Variants in IKZF2 observed in about 807,000 individuals in gnomAD.
IKZF2 encodes IKAROS family zinc finger 2.
In IKZF2, 15 loss-of-function variants were observed where a neutral mutation model predicts 49.2. The ratio of observed to expected loss-of-function variants is 0.30; its 90% confidence interval spans 0.20 to 0.47. The LOEUF is 0.47. Among genes scored for constraint, IKZF2 ranks in the 20% least tolerant of loss-of-function variants. The probability of loss-of-function intolerance (pLI) is 1.00; values close to 1 mark genes in which losing one functional copy is unlikely to be tolerated. For synonymous variants in IKZF2, 227 were observed against 221.4 expected (o/e 1.03, Z -0.23); for missense variants, 567 against 664.6 (o/e 0.85, Z 1.61).
chr2:213,031,870 C>T (rs957530124), intron 6 of IKZF2, among the ~76,000 whole-genome samples: 1 of 152,072 alleles, frequency 6.6e-6, no homozygotes, highest in African/African-American at 2.4e-5. Flanking sequence ...TTACCAGCTG[C>T]CTAAAATGTG....
At chr2:213,047,954 AGAACACTATAAT>A (rs1229394080) in intron 6 of IKZF2, among the ~76,000 whole-genome samples, 3 of 152,118 alleles carry the variant, frequency 2.0e-5, no homozygotes, top group African/African-American at 7.2e-5. Flanking sequence ...GATTGGAAGA[AGAACACTATAAT>A]GATCAATTTT....
chr2:213,106,344 G>GA (rs550245534), intron 4 of IKZF2, among the ~76,000 whole-genome samples: 79 of 144,230 alleles, frequency 5.5e-4, no homozygotes, highest in South Asian at 3.9e-3. Context: ...CTACTCTTAC[G>GA]AAAAAAAAAA....
rs1211054761 is a variant in IKZF2 at position 213,005,961 on chromosome 2, T to C, written c.*1399A>G. On this transcript the variant is annotated 3_prime_UTR_variant, in exon 9 of 9. Transcript: ENST00000434687. ...CAGAAAAATGTGCAGGACTTTCCTTTGGGGGTTCTGTCACATTCTAGACTC... is the reference window on the plus strand; with the variant it reads ...CAGAAAAATGTGCAGGACTTTCCTTCGGGGGTTCTGTCACATTCTAGACTC... 6.6e-6 allele frequency: 1 copy of C among 152,114 alleles called. No homozygotes were observed. Among genetic ancestry groups the C allele is most frequent in the Non-Finnish European group, 1.5e-5 (1 of 67,988 alleles). 9.4% of individuals were successfully genotyped at this position (152,114 alleles called of 1,614,324 possible).
chr2:213,147,841 T>C (rs778996194), intron 3 of IKZF2, 29 bp from the exon 4 acceptor site: 21 of 1,527,688 alleles, frequency 1.4e-5, no homozygotes, highest in Non-Finnish European at 1.8e-5. Context: ...ATCTTTTGGT[T>C]TCTATTCATT....
chr2:213,012,075 G>A (rs1246712931), intron 8 of IKZF2, among the ~76,000 whole-genome samples: 1 of 151,946 alleles, frequency 6.6e-6, no homozygotes, highest in African/African-American at 2.4e-5. Context: ...TTTAACTGAG[G>A]CACATGGAGA....
chr2:213,090,386 A>G (rs73077261), intron 4 of IKZF2, among the ~76,000 whole-genome samples: 1,974 of 151,964 alleles, frequency 0.013, 34 homozygotes, highest in African/African-American at 0.044. Flanking sequence ...GTTAAGTCCA[A>G]TTTTTTTTCT....
At chr2:213,149,600 C>T (rs927960458) in intron 2 of IKZF2, among the ~76,000 whole-genome samples, 2 of 152,094 alleles carry the variant, frequency 1.3e-5, no homozygotes, top group Admixed American at 6.6e-5. Flanking sequence ...AAAACTCTCA[C>T]TGCACCAGCA....
chr2:213,103,865 T>C (rs1331368473), intron 4 of IKZF2, among the ~76,000 whole-genome samples: 1 of 152,166 alleles, frequency 6.6e-6, no homozygotes. Flanking sequence ...ATCAGATTTA[T>C]AAGAAAATGT....
intron 4 of IKZF2, among the ~76,000 whole-genome samples, chr2:213,113,554 T>C (rs2059781079): frequency 6.6e-6 from 1 of 152,148 alleles, no homozygotes; most frequent in Non-Finnish European, 1.5e-5. Context: ...ATATACTACC[T>C]ACTTTCAGGT....
At position 213,013,663 on chromosome 2, in the gene IKZF2, A is replaced by C. The variant is rs555576625; in HGVS notation, c.856+128T>G. The C allele has an allele frequency of 8.7e-5, 70 of 806,080 alleles. No individual in the cohort carries two copies. The African/African-American group carries it at 1.1e-3, about 12-fold the overall frequency. 49.9% of individuals were successfully genotyped at this position (806,080 alleles called of 1,614,324 possible). A position where few individuals can be genotyped will look rare whatever the true frequency, so the allele number is the denominator to read the frequency against. ...AGAATGTCAGAGAGTAAAAAAGAAT[A>C]ATGAAGAAAAGAGATGGGTATTTAT... On this transcript the variant is annotated intron_variant, in intron 8 of 8. Transcript: ENST00000434687.
intron 4 of IKZF2, among the ~76,000 whole-genome samples, chr2:213,105,539 T>C (rs1244047800): frequency 6.9e-6 from 1 of 145,554 alleles, no homozygotes; most frequent in African/African-American, 2.6e-5. Context: ...AAAAGCTTGA[T>C]TAAATGATTT....
intron 4 of IKZF2, among the ~76,000 whole-genome samples, chr2:213,097,626 CTCTT>C (rs201966031): frequency 0.013 from 1,919 of 152,116 alleles, 34 homozygotes; most frequent in African/African-American, 0.044. Flanking sequence ...TAATTAATAA[CTCTT>C]TAAGAACTGA....
At chr2:213,105,863 ACT>A (rs1189914554) in intron 4 of IKZF2, among the ~76,000 whole-genome samples, 1 of 152,172 alleles carries the variant, frequency 6.6e-6, no homozygotes, top group Non-Finnish European at 1.5e-5. Flanking sequence ...CTTCTGGAAA[ACT>A]TTTGTTATTT....
intron 6 of IKZF2, among the ~76,000 whole-genome samples, chr2:213,027,584 A>G (rs1697954641): frequency 6.6e-6 from 1 of 151,982 alleles, no homozygotes. Context: ...CCCTGGGTTT[A>G]TTACAGAGTT....
At position 213,041,599 on chromosome 2, in the gene IKZF2, G is replaced by A. The variant is rs78201688; in HGVS notation, c.574+8114C>T. On this transcript the variant is annotated intron_variant, in intron 6 of 8. Transcript: ENST00000434687. Reference sequence around the variant, plus strand: ...TTACAGGTGTGAGCCACCGTGCCCGGCCACAACTTGACTGTAATCTTTAGC... The same window carrying A: ...TTACAGGTGTGAGCCACCGTGCCCGACCACAACTTGACTGTAATCTTTAGC... Among the ~76,000 whole-genome samples the A allele has an allele frequency of 3.3e-5, 5 of 152,184 alleles. No individual in the cohort carries two copies. The East Asian group carries it at 9.7e-4, about 29-fold the overall frequency.
intron 4 of IKZF2, among the ~76,000 whole-genome samples, chr2:213,120,230 TA>T (rs2060007774): frequency 6.6e-6 from 1 of 152,144 alleles, no homozygotes. Context: ...GACAAAGACA[TA>T]AAACAATAGC....
intron 4 of IKZF2, among the ~76,000 whole-genome samples, chr2:213,100,326 C>G (rs1287574470): frequency 3.9e-5 from 6 of 151,952 alleles, no homozygotes; most frequent in Admixed American, 6.6e-5. Flanking sequence ...AGCCTACAGA[C>G]TGCATATTAA....
chr2:213,064,639 A>G (rs1702008326), intron 4 of IKZF2, among the ~76,000 whole-genome samples: 1 of 152,050 alleles, frequency 6.6e-6, no homozygotes, highest in Non-Finnish European at 1.5e-5. Context: ...CTTTAAATAG[A>G]AATGCCTCAG....
At chr2:213,031,665 T>C (rs1008943784) in intron 6 of IKZF2, among the ~76,000 whole-genome samples, 4 of 152,180 alleles carry the variant, frequency 2.6e-5, no homozygotes, top group Non-Finnish European at 5.9e-5. Context: ...AAATATACAT[T>C]GTAACATATT....
Sources: allele counts gnomAD v4.1 joint callset (sites outside exome capture counted in the v4.1 genomes callset), GRCh38; gene constraint gnomAD v4.1.1; transcripts MANE v1.5; gene names NCBI Gene and HGNC (gene_info 2026-07-23, HGNC 2026-07-21).